CDK19: variants seen among roughly 807,000 people sequenced by gnomAD.
CDK19 encodes the protein cyclin-dependent kinase 19.
CDK19 carries 20 observed loss-of-function variants against 68.3 expected under a neutral mutation model. The observed-to-expected ratio is 0.29, with a 90% confidence interval of 0.21 to 0.43. The LOEUF is 0.43. Among genes scored for constraint, CDK19 ranks in the 20% least tolerant of loss-of-function variants. The pLI, the probability that CDK19 is intolerant of heterozygous loss-of-function variation, is 1.00. For synonymous variants in CDK19, 221 were observed against 222.8 expected, an observed-to-expected ratio of 0.99 and a Z score of 0.07; for missense variants, 339 against 623.5, an observed-to-expected ratio of 0.54 and a Z score of 4.86.
intron 1 of CDK19, among the ~76,000 whole-genome samples, chr6:110,750,072 A>G (rs896962215): frequency 6.9e-6 from 1 of 145,962 alleles, no homozygotes. Flanking sequence ...GCCCAGCCAA[A>G]TGATCACACC....
At chr6:110,773,343 CAA>C (rs1038366551) in intron 1 of CDK19, among the ~76,000 whole-genome samples, 14 of 86,066 alleles carry the variant, frequency 1.6e-4, no homozygotes, top group Admixed American at 7.7e-4. Context: ...GACTCTGTCT[CAA>C]AAAAAAAAAA....
chr6:110,681,866 A>G (rs1202447371), intron 2 of CDK19, among the ~76,000 whole-genome samples: 3 of 152,218 alleles, frequency 2.0e-5, no homozygotes, highest in Admixed American at 1.3e-4. Context: ...GAACATGCCA[A>G]TATTTTATCT....
intron 12 of CDK19, 128 bp from the exon 13 acceptor site, chr6:110,614,794 A>G (rs563872716): frequency 2.4e-6 from 2 of 826,818 alleles, no homozygotes; most frequent in South Asian, 2.0e-5. Flanking sequence ...CATAGCTGAC[A>G]GCTAACTTAA....
chr6:110,701,911 G>C (rs1774039751), intron 2 of CDK19, among the ~76,000 whole-genome samples: 1 of 152,128 alleles, frequency 6.6e-6, no homozygotes, highest in South Asian at 2.1e-4. Flanking sequence ...GGGAGGCCGG[G>C]GCAGGTGGAT....
At chr6:110,672,724 C>T (rs931985373) in intron 2 of CDK19, among the ~76,000 whole-genome samples, 1 of 152,096 alleles carries the variant, frequency 6.6e-6, no homozygotes, top group South Asian at 2.1e-4. Flanking sequence ...TGTTTGTTTT[C>T]TTACCCTTAC....
At chr6:110,770,479 G>A (rs1474653831) in intron 1 of CDK19, among the ~76,000 whole-genome samples, 1 of 152,144 alleles carries the variant, frequency 6.6e-6, no homozygotes, top group African/African-American at 2.4e-5. Context: ...TAGTATGGGG[G>A]AAACTGCTCC....
intron 8 of CDK19, among the ~76,000 whole-genome samples, chr6:110,624,978 T>A (rs147337755): frequency 1.4e-3 from 217 of 152,284 alleles, no homozygotes; most frequent in Non-Finnish European, 2.5e-3. Context: ...GAAGATCATA[T>A]GAAAAAATGT....
At chr6:110,723,520 C>T (rs1776095997) in intron 2 of CDK19, among the ~76,000 whole-genome samples, 1 of 152,094 alleles carries the variant, frequency 6.6e-6, no homozygotes, top group South Asian at 2.1e-4. Context: ...AAAAAGTTAA[C>T]CCCATCTCTA....
rs1778125647 is a variant in CDK19, at chr6:110,613,379, C to G, written c.*1156G>C. ...ACAGCAAAATTATGCATACATAATA[C>G]ATACTTTAAACATGAATAAAACCTA... On this transcript the variant is annotated 3_prime_UTR_variant, in exon 13 of 13. Coordinates refer to ENST00000368911, the MANE Select transcript of CDK19 (RefSeq NM_015076.5). 6.6e-6 allele frequency: 1 copy of G among 152,612 alleles called. No homozygotes were observed. The highest frequency in any genetic ancestry group is 1.5e-5 in the Non-Finnish European group (1 of 68,030). 9.5% of individuals were successfully genotyped at this position (152,612 alleles called of 1,614,324 possible).
intron 2 of CDK19, among the ~76,000 whole-genome samples, chr6:110,745,154 C>A (rs1777984672): frequency 6.6e-6 from 1 of 152,108 alleles, no homozygotes; most frequent in Admixed American, 6.6e-5. Flanking sequence ...AGTAAGCCTT[C>A]TGAGCTATAA....
chr6:110,623,137 G>A (rs1778819216), intron 9 of CDK19, among the ~76,000 whole-genome samples, 153 bp downstream of exon 9: 1 of 152,154 alleles, frequency 6.6e-6, no homozygotes, highest in Non-Finnish European at 1.5e-5. Context: ...AGTGAAGGCT[G>A]AAAGACAGGG....
At chr6:110,739,319 C>T (rs7738088) in intron 2 of CDK19, among the ~76,000 whole-genome samples, 151,361 of 152,268 alleles carry the variant, frequency 0.99, 75,234 homozygotes, top group Middle Eastern at 1. Context: ...TGTGGAGACA[C>T]AGGGAGAAGA....
intron 2 of CDK19, among the ~76,000 whole-genome samples, chr6:110,690,025 C>T (rs943939880): frequency 1.3e-5 from 2 of 152,202 alleles, no homozygotes; most frequent in African/African-American, 4.8e-5. Context: ...CAGTGCTGGG[C>T]TCAGTGGGGA....
chr6:110,793,528 G>T (rs1034376021), intron 1 of CDK19, among the ~76,000 whole-genome samples: 1 of 152,202 alleles, frequency 6.6e-6, no homozygotes, highest in Non-Finnish European at 1.5e-5. Context: ...GACAGTTATA[G>T]TTCATAAATT....
At chr6:110,658,713 G>A (rs1395422427) in intron 4 of CDK19, among the ~76,000 whole-genome samples, 1 of 151,852 alleles carries the variant, frequency 6.6e-6, no homozygotes, top group Non-Finnish European at 1.5e-5. Context: ...TACTTTTTTT[G>A]TTTTAACACC....
rs968801940 is a variant in CDK19 at position 110,780,514 on chromosome 6, G to A, written c.129-34313C>T. Among the ~76,000 whole-genome samples the A allele has an allele frequency of 4.6e-5, 7 of 151,344 alleles. No individual in the cohort carries two copies. The East Asian group carries it at 5.8e-4, about 12-fold the overall frequency. ...TTTTTATTTAAATTTATTTTAAGAC[G>A]GTAATACTTAAACTTCCTAACAAAA... On this transcript the variant is annotated intron_variant, in intron 1 of 12. Transcript: ENST00000368911.
In CDK19 at chr6:110,815,083, A is replaced by C. The variant is rs760961719; in HGVS notation, c.54T>G (p.Asp18Glu). The C allele has an allele frequency of 3.1e-6, 5 of 1,602,832 alleles. No homozygotes were observed. The Admixed American group carries it at 8.5e-5, about 27-fold the overall frequency. Reference protein sequence around the residue: ...KLAAERERVEDLFEYEGCKVG... With the variant: ...KLAAERERVEELFEYEGCKVG... Reference sequence around the variant, plus strand: ...CTTTGCACCCTTCGTACTCAAACAAATCCTCCACCCGCTCCCGCTCCGCCG... The same window carrying C: ...CTTTGCACCCTTCGTACTCAAACAACTCCTCCACCCGCTCCCGCTCCGCCG... Residue 18 changes from aspartate (D) to glutamate (E), a missense_variant, in exon 1 of 13, where the codon GAT (aspartate) becomes GAG (glutamate). This residue lies in a region of CDK19 where 120 missense variants were observed against 224.0 expected (regional missense o/e 0.54). Transcript: ENST00000368911.
chr6:110,783,979 G>A (rs1781012330), intron 1 of CDK19, among the ~76,000 whole-genome samples: 1 of 151,740 alleles, frequency 6.6e-6, no homozygotes, highest in African/African-American at 2.4e-5. Context: ...GGCCAACATG[G>A]TGAAACCCCA....
At chr6:110,720,716 A>C (rs1775801911) in intron 2 of CDK19, among the ~76,000 whole-genome samples, 1 of 151,782 alleles carries the variant, frequency 6.6e-6, no homozygotes, top group Non-Finnish European at 1.5e-5. Context: ...AAAGTACAAA[A>C]CTTAGCAGGG....
Sources: gnomAD v4.1 joint callset for allele counts (sites outside exome capture counted in the v4.1 genomes callset) on GRCh38, gnomAD v4.1.1 for gene constraint, gnomAD v4.1.1 regional missense constraint, MANE v1.5 for transcripts, NCBI Gene and HGNC (gene_info 2026-07-23, HGNC 2026-07-21) for gene names.